Variants in NREP observed in about 807,000 individuals in gnomAD.
NREP encodes the protein neuronal regeneration related protein, also known as neuronal regeneration-related protein.
A neutral mutation model predicts 8.6 loss-of-function variants in NREP; 5 were observed. That is an observed-to-expected ratio of 0.58 (90% CI 0.30 to 1.22). The LOEUF is 1.22. Among genes scored for constraint, NREP ranks in the 50% most tolerant of loss-of-function variants. The pLI, the probability that NREP is intolerant of heterozygous loss-of-function variation, is 0.07. For synonymous variants in NREP, 27 were observed against 28.0 expected, an observed-to-expected ratio of 0.96 and a Z score of 0.11; for missense variants, 86 against 82.5, an observed-to-expected ratio of 1.04 and a Z score of -0.17.
intron 2 of NREP, among the ~76,000 whole-genome samples, chr5:111,859,863 T>C (rs966467330): frequency 6.6e-6 from 1 of 152,058 alleles, no homozygotes; most frequent in African/African-American, 2.4e-5. Context: ...CCTAAATTAA[T>C]TCAGGATCAA....
At chr5:111,846,547 C>T (rs1753180426) in intron 2 of NREP, 2 of 148,056 alleles carry the variant, frequency 1.4e-5, no homozygotes, top group African/African-American at 5.0e-5. Flanking sequence ...CTTTACTGCT[C>T]TTCCAGTGGA....
intron 2 of NREP, among the ~76,000 whole-genome samples, chr5:111,832,219 T>C (rs1752785739): frequency 6.6e-6 from 1 of 152,054 alleles, no homozygotes; most frequent in African/African-American, 2.4e-5. Flanking sequence ...GAGCTATGTC[T>C]TTCAAAACCA....
At chr5:111,787,279 C>T (rs1309101198) in intron 2 of NREP, among the ~76,000 whole-genome samples, 2 of 152,114 alleles carry the variant, frequency 1.3e-5, no homozygotes, top group Non-Finnish European at 2.9e-5. Flanking sequence ...AGCTCCAATG[C>T]CCAGTAGTTT....
chr5:111,837,485 A>C (rs1043037989), intron 2 of NREP, among the ~76,000 whole-genome samples: 5 of 152,130 alleles, frequency 3.3e-5, no homozygotes, highest in Admixed American at 1.3e-4. Context: ...AAGAGAAAAC[A>C]AGAAAAAAGT....
At chr5:111,735,779 G>A (rs1269043736) in intron 2 of NREP, among the ~76,000 whole-genome samples, 2 of 152,204 alleles carry the variant, frequency 1.3e-5, no homozygotes, top group Non-Finnish European at 2.9e-5. Flanking sequence ...CAAAGTAGCA[G>A]CTTCATGGTA....
At chr5:111,790,747 G>C (rs964844855) in intron 2 of NREP, among the ~76,000 whole-genome samples, 2 of 142,942 alleles carry the variant, frequency 1.4e-5, no homozygotes, top group Middle Eastern at 3.5e-3. Flanking sequence ...TGAGGATCTA[G>C]TTATTCCATT....
intron 2 of NREP, among the ~76,000 whole-genome samples, chr5:111,867,266 AAG>A (rs1336703161): frequency 1.3e-5 from 2 of 152,120 alleles, no homozygotes; most frequent in Non-Finnish European, 1.5e-5. Context: ...CATGGATCTA[AAG>A]ACTGGAAGTC....
At chr5:111,741,914 C>A (rs2112816411) in intron 2 of NREP, among the ~76,000 whole-genome samples, 1 of 151,828 alleles carries the variant, frequency 6.6e-6, no homozygotes, top group African/African-American at 2.4e-5. Flanking sequence ...ATTATGAACA[C>A]CCAACTACTG....
chr5:111,881,377 G>T (rs1324652507), intron 2 of NREP, among the ~76,000 whole-genome samples: 1 of 152,194 alleles, frequency 6.6e-6, no homozygotes. Flanking sequence ...CCCTGCCTCT[G>T]TAGGCTTCAC....
chr5:111,791,313 C>G (rs951151663), intron 2 of NREP, among the ~76,000 whole-genome samples: 5 of 152,176 alleles, frequency 3.3e-5, no homozygotes, highest in African/African-American at 1.2e-4. Flanking sequence ...ATTCCTTGAA[C>G]TTATTCCTCC....
chr5:111,742,625 C>T (rs945281175), intron 2 of NREP, among the ~76,000 whole-genome samples: 4 of 152,018 alleles, frequency 2.6e-5, no homozygotes, highest in South Asian at 2.1e-4. Flanking sequence ...CAGAATTACC[C>T]GACTTTTCTT....
At chr5:111,896,663 T>C (rs1445052603) in intron 2 of NREP, among the ~76,000 whole-genome samples, 1 of 152,188 alleles carries the variant, frequency 6.6e-6, no homozygotes, top group African/African-American at 2.4e-5. Context: ...ATAACTTCTT[T>C]TATCCTCCTT....
intron 2 of NREP, among the ~76,000 whole-genome samples, chr5:111,864,012 C>G (rs1160893973): frequency 6.6e-6 from 1 of 152,052 alleles, no homozygotes; most frequent in Non-Finnish European, 1.5e-5. Flanking sequence ...ACAGAGCTCA[C>G]AAAGATTCAA....
At chr5:111,929,832 T>C (rs1484051273) in intron 2 of NREP, among the ~76,000 whole-genome samples, 1 of 152,172 alleles carries the variant, frequency 6.6e-6, no homozygotes, top group Non-Finnish European at 1.5e-5. Context: ...GATTAAGTGA[T>C]TGAATGGATG....
intron 2 of NREP, among the ~76,000 whole-genome samples, chr5:111,934,041 G>A (rs1755615006): frequency 6.6e-6 from 1 of 152,046 alleles, no homozygotes; most frequent in South Asian, 2.1e-4. Flanking sequence ...GGGACAGAAA[G>A]CAGAGGCTTT....
chr5:111,836,283 T>C (rs113735977), intron 2 of NREP, among the ~76,000 whole-genome samples: 2,157 of 152,114 alleles, frequency 0.014, 49 homozygotes, highest in African/African-American at 0.049. Context: ...ATTATTAGAA[T>C]AGAAAGGGAA....
intron 2 of NREP, among the ~76,000 whole-genome samples, chr5:111,865,000 TTCTG>T (rs1290820397): frequency 1.3e-5 from 2 of 152,138 alleles, no homozygotes; most frequent in Non-Finnish European, 2.9e-5. Flanking sequence ...TTGTGTGAAA[TTCTG>T]TCTATTATTA....
intron 2 of NREP, among the ~76,000 whole-genome samples, chr5:111,963,287 G>A (rs1001219290): frequency 3.3e-5 from 5 of 152,340 alleles, no homozygotes; most frequent in Admixed American, 6.5e-5. Context: ...GAGGTTGAGC[G>A]TGGTGGGCCA....
At chr5:111,825,957 AT>A (rs370482212) in intron 2 of NREP, among the ~76,000 whole-genome samples, 10,425 of 140,044 alleles carry the variant, frequency 0.074, 369 homozygotes, top group African/African-American at 0.096. Flanking sequence ...GCTCGTTTGG[AT>A]TTTTTTTTTT....
Sources: allele counts gnomAD v4.1 joint callset (sites outside exome capture counted in the v4.1 genomes callset), GRCh38; gene constraint gnomAD v4.1.1; transcripts MANE v1.5; gene names NCBI Gene and HGNC (gene_info 2026-07-23, HGNC 2026-07-21).